The following NRCAM variants were observed in gnomAD, a reference collection of about 807,000 sequenced individuals.
The protein encoded by NRCAM is NgCAM-related cell adhesion molecule.
NRCAM carries 83 observed loss-of-function variants against 156.5 expected under a neutral mutation model. The observed-to-expected ratio is 0.53, with a 90% CI of 0.44 to 0.64. The LOEUF (loss-of-function observed/expected upper bound fraction) is 0.64. Ranked by LOEUF, NRCAM falls within the 30% of genes least tolerant of loss-of-function variation. The pLI, the probability that NRCAM is intolerant of heterozygous loss-of-function variation, is 0.00. For missense variants in NRCAM, 1,417 were observed against 1,597.3 expected, an observed-to-expected ratio of 0.89 and a Z score of 1.92; for synonymous variants, 538 against 563.9, an observed-to-expected ratio of 0.95 and a Z score of 0.65.
chr7:108,396,047 C>T (rs2099775925), intron 2 of NRCAM, among the ~76,000 whole-genome samples: 1 of 152,206 alleles, frequency 6.6e-6, no homozygotes, highest in South Asian at 2.1e-4. Context: ...CCACAGCACT[C>T]ACCCCTTATC....
Position 108,168,387 on chromosome 7 carries a change from G to T in NRCAM, c.3203C>A (p.Pro1068His). 1 of 1,602,360 alleles carries T rather than the reference G, an allele frequency of 6.2e-7. No homozygotes were observed. Reference sequence around the variant, plus strand: ...TGCAGCAGTAAGATTGCTGATCCTGGGATTTACTGCTTGAACTAAACATAC... The same window carrying T: ...TGCAGCAGTAAGATTGCTGATCCTGTGATTTACTGCTTGAACTAAACATAC... The part of the protein sequence containing the change: ...VGAGKVQAVN[P>H]RISNLTAAAA... The change falls in exon 29 of 33, where the codon CCC (proline) becomes CAC (histidine). Residue 1068 changes from proline to histidine, a missense_variant. By Grantham distance (77) the Pro-to-His change is moderately conservative. Coordinates refer to ENST00000379028, the MANE Select transcript of NRCAM (RefSeq NM_001037132.4).
At chr7:108,214,865 T>G (rs996636910) in intron 11 of NRCAM, among the ~76,000 whole-genome samples, 2 of 152,198 alleles carry the variant, frequency 1.3e-5, no homozygotes, top group Non-Finnish European at 2.9e-5. Flanking sequence ...TACCCAGTAG[T>G]CACTCAGGAG....
At chr7:108,198,180 T>C (rs2076121257) in intron 13 of NRCAM, 81 bp from the exon 14 acceptor site, 2 of 1,167,932 alleles carry the variant, frequency 1.7e-6, no homozygotes, top group Non-Finnish European at 2.4e-6. Flanking sequence ...CAGTAGGACA[T>C]AAATAAAGAC....
intron 1 of NRCAM, among the ~76,000 whole-genome samples, chr7:108,421,701 CTAT>C (rs1810113992): frequency 6.6e-6 from 1 of 152,158 alleles, no homozygotes; most frequent in Non-Finnish European, 1.5e-5. Context: ...GGAACTGAAG[CTAT>C]TCAATCTACA....
intron 3 of NRCAM, among the ~76,000 whole-genome samples, chr7:108,263,264 A>G (rs1021877563): frequency 2.0e-5 from 3 of 152,226 alleles, no homozygotes; most frequent in Non-Finnish European, 4.4e-5. Flanking sequence ...ACCTTCACAG[A>G]AAAGAATTTC....
At chr7:108,291,183 T>C (rs185092222) in intron 3 of NRCAM, among the ~76,000 whole-genome samples, 3 of 152,298 alleles carry the variant, frequency 2.0e-5, no homozygotes, top group Admixed American at 6.5e-5. Flanking sequence ...ACCAAATTAA[T>C]TTACATAGCA....
chr7:108,395,614 G>A (rs76784770), intron 2 of NRCAM, among the ~76,000 whole-genome samples: 1,740 of 152,286 alleles, frequency 0.011, 14 homozygotes, highest in Non-Finnish European at 0.019. Flanking sequence ...CTTCCCAATA[G>A]GAGTTTTCCC....
intron 20 of NRCAM, among the ~76,000 whole-genome samples, chr7:108,188,243 CCAGT>C (rs2068481088): frequency 6.6e-6 from 1 of 152,000 alleles, no homozygotes; most frequent in Admixed American, 6.6e-5. Flanking sequence ...TTTGCTGTGC[CCAGT>C]CACTGGAGCA....
chr7:108,231,273 A>G (rs1331523358), intron 7 of NRCAM, 120 bp from the exon 8 acceptor site: 26 of 644,780 alleles, frequency 4.0e-5, no homozygotes, highest in South Asian at 2.0e-4. Context: ...TGTACACTAA[A>G]TTAATGAGAA....
intron 2 of NRCAM, among the ~76,000 whole-genome samples, chr7:108,322,043 G>A (rs2154210577): frequency 6.6e-6 from 1 of 152,210 alleles, no homozygotes; most frequent in Admixed American, 6.5e-5. Flanking sequence ...TTATAACTTG[G>A]CTGTGCATCT....
At chr7:108,164,539 C>G (rs535518098) in intron 30 of NRCAM, among the ~76,000 whole-genome samples, 1 of 26,124 alleles carries the variant, frequency 3.8e-5, no homozygotes, top group East Asian at 2.9e-3. Flanking sequence ...ATCCTTACAC[C>G]GCGGAACCGA....
intron 1 of NRCAM, among the ~76,000 whole-genome samples, chr7:108,411,446 T>C (rs1193190260): frequency 6.6e-6 from 1 of 152,208 alleles, no homozygotes; most frequent in African/African-American, 2.4e-5. Flanking sequence ...GGGTTGATGT[T>C]AATACTATAT....
intron 11 of NRCAM, among the ~76,000 whole-genome samples, chr7:108,210,526 G>A (rs530264601): frequency 2.6e-5 from 4 of 152,242 alleles, no homozygotes; most frequent in South Asian, 2.1e-4. Context: ...GATTATAGGC[G>A]TGAGCCACCG....
chr7:108,251,425 G>T (rs1481448004), intron 3 of NRCAM, among the ~76,000 whole-genome samples: 3 of 152,098 alleles, frequency 2.0e-5, no homozygotes, highest in Non-Finnish European at 2.9e-5. Flanking sequence ...GCCCTATCAG[G>T]GCTTATGCTT....
chr7:108,441,535 G>T (rs2154481572), intron 1 of NRCAM, among the ~76,000 whole-genome samples: 1 of 152,310 alleles, frequency 6.6e-6, no homozygotes, highest in South Asian at 2.1e-4. Flanking sequence ...CTCTCACCAT[G>T]CAGAAGCTAA....
At chr7:108,252,978 G>A (rs954077888) in intron 3 of NRCAM, among the ~76,000 whole-genome samples, 9 of 152,240 alleles carry the variant, frequency 5.9e-5, no homozygotes, top group African/African-American at 1.4e-4. Context: ...AGGCAGGAAC[G>A]TCTGAGCGGA....
intron 20 of NRCAM, 145 bp downstream of exon 20, chr7:108,189,500 G>T: frequency 1.7e-6 from 1 of 593,806 alleles, no homozygotes. Context: ...AGAGAGGAAG[G>T]ACATAAATAA....
intron 4 of NRCAM, among the ~76,000 whole-genome samples, chr7:108,238,897 A>C (rs566182671): frequency 3.8e-4 from 58 of 152,126 alleles, no homozygotes; most frequent in African/African-American, 1.3e-3. Context: ...ATGTCTTCCC[A>C]CTGGCAGTTG....
intron 2 of NRCAM, among the ~76,000 whole-genome samples, chr7:108,355,639 G>A (rs886239518): frequency 1.3e-5 from 2 of 152,182 alleles, no homozygotes; most frequent in African/African-American, 4.8e-5. Context: ...ACTCTGTGCT[G>A]ACCTGCACCA....
Sources: allele counts gnomAD v4.1 joint callset (sites outside exome capture counted in the v4.1 genomes callset), GRCh38; gene constraint gnomAD v4.1.1; transcripts MANE v1.5; gene names NCBI Gene and HGNC (gene_info 2026-07-23, HGNC 2026-07-21).